PISD: variants seen among roughly 807,000 people sequenced by gnomAD.
PISD encodes phosphatidylserine decarboxylase, also known as phosphatidylserine decarboxylase proenzyme, mitochondrial.
In PISD, 31 loss-of-function variants were observed where a neutral mutation model predicts 43.5. The observed-to-expected ratio is 0.71, with a 90% confidence interval of 0.54 to 0.96. PISD has a LOEUF of 0.96. PISD is among the 40% of genes least tolerant of loss of function. PISD has a pLI of 0.00. For missense variants in PISD, 523 were observed against 548.4 expected (o/e 0.95, Z 0.46); for synonymous variants, 259 against 228.7 (o/e 1.13, Z -1.20).
intron 1 of PISD, among the ~76,000 whole-genome samples, chr22:31,653,197 G>T (rs1742105236): frequency 6.6e-6 from 1 of 151,944 alleles, no homozygotes; most frequent in South Asian, 2.1e-4. Flanking sequence ...ACAATGAAGG[G>T]TATATTTCAG....
chr22:31,658,678 TAG>T (rs2074242709), intron 1 of PISD, among the ~76,000 whole-genome samples: 1 of 151,626 alleles, frequency 6.6e-6, no homozygotes, highest in African/African-American at 2.4e-5. Flanking sequence ...GCTTCCCAAG[TAG>T]CTGGGACCAC....
intron 3 of PISD, among the ~76,000 whole-genome samples, 167 bp downstream of exon 3, chr22:31,647,934 C>T (rs2073928515): frequency 1.3e-5 from 2 of 152,198 alleles, no homozygotes; most frequent in African/African-American, 4.8e-5. Context: ...ACAAGCTTGA[C>T]TTGACACCAA....
rs544836393 is a variant in PISD at position 31,641,752 on chromosome 22, G to A, written c.321+6349C>T. 7.3e-5 allele frequency among the ~76,000 whole-genome samples: 11 copies of A among 151,196 alleles called. 1 individual carries two copies. Among genetic ancestry groups the A allele is most frequent in the South Asian group, 2.1e-4 (1 of 4,818 alleles). On this transcript the variant is annotated intron_variant, in intron 3 of 7. Transcript: ENST00000439502. ...GGAGAACTGCTTGAACCCGGGAGGCGCAGGTTGCAGTGAGCTGAGATCGCG... is the reference window on the plus strand; with the variant it reads ...GGAGAACTGCTTGAACCCGGGAGGCACAGGTTGCAGTGAGCTGAGATCGCG...
intron 3 of PISD, chr22:31,638,337 G>A: frequency 9.1e-6 from 9 of 984,464 alleles, no homozygotes; most frequent in Non-Finnish European, 1.1e-5. Context: ...CACCCCTGCT[G>A]TCAAGCCCCT....
At chr22:31,627,962 GACTA>G in intron 3 of PISD, 1 of 923,172 alleles carries the variant, frequency 1.1e-6, no homozygotes, top group Non-Finnish European at 1.3e-6. Context: ...GCCCTGGAGA[GACTA>G]AGAACCATCC....
Position 31,619,726 on chromosome 22 carries a change from G to T in PISD, c.1116C>A (p.Gly372=). ...GVPMRKGEHL[G]EFNLGSTIVL... ...CGATGGTGGAGCCCAGGTTGAACTC[G>T]CCCAGGTGCTCGCCCTTACGCATGG... Residue 372 remains glycine, a synonymous_variant, in exon 8 of 8, where the codon GGC becomes GGA. Coordinates refer to ENST00000439502, the MANE Select transcript of PISD (RefSeq NM_001326411.2). 1 of 1,614,120 alleles carries T rather than the reference G, an allele frequency of 6.2e-7. No homozygotes were observed. The highest frequency in any genetic ancestry group is 8.5e-7 in the Non-Finnish European group (1 of 1,179,948).
rs1240493556 is a variant in PISD, at chr22:31,619,247, TGGG to T, written c.*362_*364del. On this transcript the variant is annotated 3_prime_UTR_variant, in exon 8 of 8. Coordinates refer to ENST00000439502, the MANE Select transcript of PISD (RefSeq NM_001326411.2). ...GGCCAACAGAAAACAGCTCAGGTGA[TGGG>T]GGGAGGAGCAGCAAGAAAAAACGAC... 8.5e-5 allele frequency: 28 copies of T among 330,092 alleles called. No individual in the cohort carries two copies. Among genetic ancestry groups the T allele is most frequent in the South Asian group, 6.3e-4 (26 of 41,310 alleles). The allele number at this position is 330,092 out of a possible 1,614,324, so 20.4% of individuals were successfully genotyped here. A position where few individuals can be genotyped will look rare whatever the true frequency, so the allele number is the denominator to read the frequency against.
rs774413824 is a variant in PISD at position 31,621,133 on chromosome 22, C to T, written c.707G>A (p.Cys236Tyr). 11 of 1,614,078 alleles carry T rather than the reference C, an allele frequency of 6.8e-6. No individual in the cohort carries two copies. The highest frequency in any genetic ancestry group is 2.2e-5 in the East Asian group (1 of 44,896). The change falls in exon 6 of 8, where the codon TGT becomes TAT. Residue 236 changes from cysteine to tyrosine, a missense_variant. Transcript: ENST00000439502. Reference sequence around the variant, plus strand: ...GACCAGCTGGTTCTTGAAGGAGTCACACGACGCGGCTGTGGAGTAGGAGCA... The same window carrying T: ...GACCAGCTGGTTCTTGAAGGAGTCATACGACGCGGCTGTGGAGTAGGAGCA... Reference protein sequence around the residue: ...EDLPFPPAASCDSFKNQLVTR... With the variant: ...EDLPFPPAASYDSFKNQLVTR...
At position 31,618,560 on chromosome 22, in the gene PISD, CT is replaced by C. The variant is rs1556405772; in HGVS notation, c.*1051del. ...TGAATTACTGTTCAGAAGTCTCCCA[CT>C]TTTCATACAAAAATACTGTGCTACT... On this transcript the variant is annotated 3_prime_UTR_variant, in exon 8 of 8. Transcript: ENST00000439502. 2.4e-6 allele frequency: 2 copies of C among 833,442 alleles called. No individual in the cohort carries two copies. The highest frequency in any genetic ancestry group is 3.4e-6 in the Non-Finnish European group (2 of 583,484). 51.6% of individuals were successfully genotyped at this position (833,442 alleles called of 1,614,324 possible). A position where few individuals can be genotyped will look rare whatever the true frequency, so the allele number is the denominator to read the frequency against.
chr22:31,654,513 C>T (rs2074113703), intron 1 of PISD, among the ~76,000 whole-genome samples: 2 of 152,112 alleles, frequency 1.3e-5, no homozygotes, highest in Non-Finnish European at 2.9e-5. Context: ...ACAGGATTCC[C>T]GACCCTCTCT....
chr22:31,662,266 G>T (rs565763752), upstream of PISD: 34 of 1,534,676 alleles, frequency 2.2e-5, 1 homozygote, highest in African/African-American at 2.6e-4. Context: ...GCACGCTTAA[G>T]GCGTCACGAG....
intron 1 of PISD, among the ~76,000 whole-genome samples, 168 bp from the exon 2 acceptor site, chr22:31,650,946 A>ATATT (rs936094226): frequency 2.0e-5 from 3 of 152,052 alleles, no homozygotes; most frequent in African/African-American, 4.8e-5. Flanking sequence ...AAGGACTGAA[A>ATATT]TATTTATTTA....
At chr22:31,624,754 C>CAT (rs1249485310) in intron 3 of PISD, among the ~76,000 whole-genome samples, 1 of 130,400 alleles carries the variant, frequency 7.7e-6, no homozygotes, top group South Asian at 2.4e-4. Context: ...CACACACACA[C>CAT]ACGAGACCCA....
chr22:31,639,173 C>T (rs1388330869), intron 3 of PISD, among the ~76,000 whole-genome samples: 1 of 148,808 alleles, frequency 6.7e-6, no homozygotes, highest in Non-Finnish European at 1.5e-5. Flanking sequence ...TTTTTCTTTT[C>T]CTTTTTCTTT....
chr22:31,620,134 CACAA>C (rs2072437109), intron 7 of PISD, among the ~76,000 whole-genome samples: 2 of 152,272 alleles, frequency 1.3e-5, no homozygotes, highest in South Asian at 4.1e-4. Context: ...GGCCGTTGGT[CACAA>C]ACTGACACCC....
At chr22:31,637,134 T>A (rs1460785906) in intron 3 of PISD, among the ~76,000 whole-genome samples, 90 of 46,082 alleles carry the variant, frequency 2.0e-3, no homozygotes, top group African/African-American at 6.8e-3. Flanking sequence ...AAAATAATAA[T>A]AAATAAATTA....
At chr22:31,625,717 C>G (rs368706009) in intron 3 of PISD, 416 of 1,559,226 alleles carry the variant, frequency 2.7e-4, no homozygotes, top group Non-Finnish European at 3.4e-4. Flanking sequence ...TTCCGGAGGT[C>G]GTGGCGGGGA....
intron 3 of PISD, among the ~76,000 whole-genome samples, chr22:31,627,251 G>A (rs1255957298): frequency 6.6e-6 from 1 of 152,242 alleles, no homozygotes; most frequent in African/African-American, 2.4e-5. Flanking sequence ...GCTCACTGCA[G>A]ATGGGTCAGG....
At position 31,648,200 on chromosome 22, in the gene PISD, G is replaced by A. The variant is rs1003523182; in HGVS notation, c.222C>T (p.Gly74=). The change falls in exon 3 of 8, where the codon GGC becomes GGT. Residue 74 remains glycine, a synonymous_variant. Coordinates refer to ENST00000439502, the MANE Select transcript of PISD (RefSeq NM_001326411.2). ...ACTGCCGGTACCCTGCATACCCGCC[G>A]CCTGTCACCAACAGAATGGGCAGGG... ...LRPLPILLVT[G]GGYAGYRQYE... 8.1e-6 allele frequency: 13 copies of A among 1,612,086 alleles called. No homozygotes were observed. The highest frequency in any genetic ancestry group is 1.7e-5 in the Admixed American group (1 of 59,854).
Sources: allele counts gnomAD v4.1 joint callset (sites outside exome capture counted in the v4.1 genomes callset), GRCh38; gene constraint gnomAD v4.1.1; transcripts MANE v1.5; gene names NCBI Gene and HGNC (gene_info 2026-07-23, HGNC 2026-07-21).